RPS6KL1: variants seen among roughly 807,000 people sequenced by gnomAD.
The protein encoded by RPS6KL1 is ribosomal protein S6 kinase-like 1.
In RPS6KL1, 41 loss-of-function variants were observed where a neutral mutation model predicts 57.0. That is an observed-to-expected ratio of 0.72 (90% CI 0.56 to 0.93). The LOEUF (loss-of-function observed/expected upper bound fraction) is 0.93, where lower values mean the gene tolerates loss of function less well. Among genes scored for constraint, RPS6KL1 ranks in the 40% least tolerant of loss-of-function variants. The probability of loss-of-function intolerance (pLI) is 0.00; values close to 1 mark genes in which losing one functional copy is unlikely to be tolerated. For synonymous variants in RPS6KL1, 287 were observed against 309.7 expected, an observed-to-expected ratio of 0.93 and a Z score of 0.77; for missense variants, 697 against 727.7, an observed-to-expected ratio of 0.96 and a Z score of 0.49.
Position 74,904,810 on chromosome 14 carries a change from G to C in RPS6KL1, c.*2204C>G, listed in dbSNP as rs1410259640. On this transcript the variant is annotated 3_prime_UTR_variant, in exon 12 of 12. Transcript: ENST00000557413. ...GAGGGTTGATGACCTAGGAGCAGTGGTCAGTGAGCGTGAGTGTACAGGGTG... is the reference window on the plus strand; with the variant it reads ...GAGGGTTGATGACCTAGGAGCAGTGCTCAGTGAGCGTGAGTGTACAGGGTG... The C allele has an allele frequency of 6.6e-6, 1 of 152,208 alleles. No homozygotes were observed. Among genetic ancestry groups the C allele is most frequent in the Non-Finnish European group, 1.5e-5 (1 of 68,040 alleles). 9.4% of individuals were successfully genotyped at this position (152,208 alleles called of 1,614,324 possible).
chr14:74,907,187 G>A, intron 11 of RPS6KL1, 63 bp from the exon 12 acceptor site: 2 of 1,431,128 alleles, frequency 1.4e-6, no homozygotes, highest in Non-Finnish European at 1.9e-6. Flanking sequence ...TGACCTCCAG[G>A]GACTCCAACC....
Position 74,911,365 on chromosome 14 carries a change from G to A in RPS6KL1, c.547C>T (p.His183Tyr), listed in dbSNP as rs764592613. 6 of 1,607,874 alleles carry A rather than the reference G, an allele frequency of 3.7e-6. No homozygotes were observed. In the Admixed American group the frequency reaches 8.3e-5, roughly 22 times the overall value. ...TFVVKSLPRCHMVSRERLTII... is the reference protein window; with the variant it reads ...TFVVKSLPRCYMVSRERLTII... ...GTCAGCCGCTCCCTGCTCACCATGT[G>A]GCACCTGGGTAGGCTCTGGGAGCAG... The change falls in exon 7 of 12, where the codon CAC becomes TAC. Residue 183 changes from histidine (H) to tyrosine (Y), a missense_variant. By Grantham distance (83) the His-to-Tyr change is moderately conservative (BLOSUM62 2). Transcript: ENST00000557413.
At position 74,904,128 on chromosome 14, in the gene RPS6KL1, C is replaced by T. The variant is rs985055792; in HGVS notation, c.*2886G>A. 1 of 152,134 alleles carries T rather than the reference C, an allele frequency of 6.6e-6. No individual in the cohort carries two copies. The highest frequency in any genetic ancestry group is 1.5e-5 in the Non-Finnish European group (1 of 68,038). 9.4% of individuals were successfully genotyped at this position (152,134 alleles called of 1,614,324 possible). On this transcript the variant is annotated 3_prime_UTR_variant, in exon 12 of 12. Coordinates refer to ENST00000557413, the MANE Select transcript of RPS6KL1 (RefSeq NM_031464.5). ...TACCAGTCAGTACATGTAAGATGTACAGTGGTTTGGTCTGGAGAGGCAGGA... is the reference window on the plus strand; with the variant it reads ...TACCAGTCAGTACATGTAAGATGTATAGTGGTTTGGTCTGGAGAGGCAGGA...
At chr14:74,919,285 A>G (rs1322368727) in intron 4 of RPS6KL1, among the ~76,000 whole-genome samples, 1 of 152,252 alleles carries the variant, frequency 6.6e-6, no homozygotes, top group Non-Finnish European at 1.5e-5. Flanking sequence ...AGGCAGCCGT[A>G]CAGGATGCAG....
chr14:74,918,737 G>T (rs982793536), intron 4 of RPS6KL1, 132 bp from the exon 5 acceptor site: 3 of 610,374 alleles, frequency 4.9e-6, no homozygotes, highest in Non-Finnish European at 8.4e-6. Flanking sequence ...GTATAGGCAG[G>T]CCCCACCCCA....
chr14:74,922,847 A>T (rs1888060705), intron 1 of RPS6KL1, among the ~76,000 whole-genome samples: 2 of 152,104 alleles, frequency 1.3e-5, no homozygotes, highest in South Asian at 4.1e-4. Context: ...GCGGGGAGGG[A>T]GACCCACAGC....
intron 5 of RPS6KL1, among the ~76,000 whole-genome samples, chr14:74,916,255 CT>C (rs1215307599): frequency 2.6e-5 from 4 of 152,146 alleles, no homozygotes. Context: ...GCAGTAACAC[CT>C]TTCCTAATTT....
chr14:74,922,801 T>C (rs776356148), intron 1 of RPS6KL1, among the ~76,000 whole-genome samples: 3 of 152,246 alleles, frequency 2.0e-5, no homozygotes, highest in Non-Finnish European at 2.9e-5. Flanking sequence ...CCAGGTCATT[T>C]GGAGAGAAAG....
At position 74,906,908 on chromosome 14, in the gene RPS6KL1, C is replaced by T; in HGVS notation, c.*106G>A. On this transcript the variant is annotated 3_prime_UTR_variant, in exon 12 of 12. Transcript: ENST00000557413. ...GCAGGACAGACAGTGCCCTCCATTC[C>T]TCGCCCAAAGCCCGCTGATAGAGGG... 1 of 903,450 alleles carries T rather than the reference C, an allele frequency of 1.1e-6. No individual in the cohort carries two copies. The highest frequency in any genetic ancestry group is 1.3e-5 in the South Asian group (1 of 74,814). The allele number at this position is 903,450 out of a possible 1,614,324, so 56.0% of individuals were successfully genotyped here.
In RPS6KL1 at chr14:74,918,664, G is replaced by C. The variant is rs1887274643; in HGVS notation, c.391-59C>G. 18 of 1,325,594 alleles carry C rather than the reference G, an allele frequency of 1.4e-5. No individual in the cohort carries two copies. The East Asian group carries it at 4.6e-4, about 34-fold the overall frequency. The allele number at this position is 1,325,594 out of a possible 1,614,324, so 82.1% of individuals were successfully genotyped here. A position where few individuals can be genotyped will look rare whatever the true frequency, so the allele number is the denominator to read the frequency against. On this transcript the variant is annotated intron_variant, in intron 4 of 11. Coordinates refer to ENST00000557413, the MANE Select transcript of RPS6KL1 (RefSeq NM_031464.5). Reference sequence around the variant, plus strand: ...CAGGGCCGAGCCCTCCTTGGCCATGGCCTTCTCACCAGGCATCAGGCAGGG... The same window carrying C: ...CAGGGCCGAGCCCTCCTTGGCCATGCCCTTCTCACCAGGCATCAGGCAGGG...
Position 74,907,444 on chromosome 14 carries a change from CAG to C in RPS6KL1, c.1528_1529del (p.Leu510AlafsTer3). 22 of 1,579,040 alleles carry C rather than the reference CAG, an allele frequency of 1.4e-5. No individual in the cohort carries two copies. Among genetic ancestry groups the C allele is most frequent in the Middle Eastern group, 1.7e-4 (1 of 5,904 alleles). ...PEWLSRPAAS[L>X]LTELLQFEPT... ...CCGGGCTACACCTCACCTCAGTCAG[CAG>C]AGAGGCCGCTGGGCGACTGAGCCAC... On this transcript the variant is annotated frameshift_variant, in exon 11 of 12. Coordinates refer to ENST00000557413, the MANE Select transcript of RPS6KL1 (RefSeq NM_031464.5). LOFTEE classifies it high-confidence loss of function.
In RPS6KL1 at chr14:74,904,968, G is replaced by T. The variant is rs1297755245; in HGVS notation, c.*2046C>A. The T allele has an allele frequency of 6.6e-6, 1 of 152,208 alleles. No individual in the cohort carries two copies. 9.4% of individuals were successfully genotyped at this position (152,208 alleles called of 1,614,324 possible). On this transcript the variant is annotated 3_prime_UTR_variant, in exon 12 of 12. Transcript: ENST00000557413. ...CCTCTGTGAAGGTCTGTCACAGGAG[G>T]GAAGTGGGTCCCAGAGAGTAGAACT...
chr14:74,916,117 C>T (rs1886801469), intron 5 of RPS6KL1, among the ~76,000 whole-genome samples: 1 of 152,248 alleles, frequency 6.6e-6, no homozygotes, highest in Non-Finnish European at 1.5e-5. Context: ...CCCTTTGCTT[C>T]CTCCCTGGGC....
chr14:74,921,442 GA>G lies in RPS6KL1; in HGVS notation c.99del (p.Arg34AlafsTer11), dbSNP rs1417712854. 1 of 1,614,134 alleles carries G rather than the reference GA, an allele frequency of 6.2e-7. No homozygotes were observed. The highest frequency in any genetic ancestry group is 2.2e-5 in the East Asian group (1 of 44,900). ...RSQAHVYLEQ[I>X]RNRVALGVPD... is the part of the protein sequence containing the mutation. ...GGCACTCCCAGAGCCACCCTGTTGC[GA>G]ATCTGCTCCAGGTACACGTGAGCTT... On this transcript the variant is annotated frameshift_variant, in exon 3 of 12. Coordinates refer to ENST00000557413, the MANE Select transcript of RPS6KL1 (RefSeq NM_031464.5). LOFTEE classifies it high-confidence loss of function.
chr14:74,911,470 C>T (rs533882115), intron 6 of RPS6KL1, 90 bp from the exon 7 acceptor site: 7 of 1,466,300 alleles, frequency 4.8e-6, no homozygotes, highest in African/African-American at 2.8e-5. Context: ...CAGGGGCACC[C>T]GAATGAGGGT....
At chr14:74,911,402 G>A in intron 6 of RPS6KL1, 22 bp from the exon 7 acceptor site, 1 of 1,596,528 alleles carries the variant, frequency 6.3e-7, no homozygotes, top group Non-Finnish European at 8.5e-7. Context: ...AGGGCAGGCA[G>A]ATCAGCCGGG....
chr14:74,919,751 A>G (rs1280483010), intron 4 of RPS6KL1, 94 bp downstream of exon 4: 2 of 1,392,438 alleles, frequency 1.4e-6, no homozygotes, highest in African/African-American at 2.9e-5. Context: ...TCTGCCCTGC[A>G]GCCCAGGGCG....
At chr14:74,911,761 A>T in intron 6 of RPS6KL1, 33 bp downstream of exon 6, 1 of 1,550,342 alleles carries the variant, frequency 6.5e-7, no homozygotes, top group Non-Finnish European at 8.7e-7. Context: ...ATCCAAGGGG[A>T]ATGCAGAGTG....
rs1887976154 is a variant in RPS6KL1 at position 74,922,282 on chromosome 14, T to C, written c.-325A>G. The C allele has an allele frequency of 2.0e-6, 2 of 986,236 alleles. No homozygotes were observed. Among genetic ancestry groups the C allele is most frequent in the African/African-American group, 1.7e-5 (1 of 57,372 alleles). The allele number at this position is 986,236 out of a possible 1,614,324, so 61.1% of individuals were successfully genotyped here. On this transcript the variant is annotated 5_prime_UTR_variant, in exon 2 of 12. Coordinates refer to ENST00000557413, the MANE Select transcript of RPS6KL1 (RefSeq NM_031464.5). ...TGGGCTCAAATGCTGTTCCTCATGCTGTTCCCTCCACCCTGCCTGTTGTCT... is the reference window on the plus strand; with the variant it reads ...TGGGCTCAAATGCTGTTCCTCATGCCGTTCCCTCCACCCTGCCTGTTGTCT...
Sources: allele counts gnomAD v4.1 joint callset (sites outside exome capture counted in the v4.1 genomes callset), GRCh38; gene constraint gnomAD v4.1.1; transcripts MANE v1.5; gene names NCBI Gene and HGNC (gene_info 2026-07-23, HGNC 2026-07-21).